Variants in CDKAL1 observed in about 807,000 individuals in gnomAD.
CDKAL1 encodes the protein CDKAL1 threonylcarbamoyladenosine tRNA methylthiotransferase.
A neutral mutation model predicts 68.2 loss-of-function variants in CDKAL1; 32 were observed. That is an observed-to-expected ratio of 0.47 (90% confidence interval 0.35 to 0.63). CDKAL1 has a LOEUF of 0.63. Ranked by LOEUF, CDKAL1 falls within the 30% of genes least tolerant of loss-of-function variation. The probability of loss-of-function intolerance (pLI) is 0.00; values close to 1 mark genes in which losing one functional copy is unlikely to be tolerated. For missense variants in CDKAL1, 606 were observed against 696.7 expected, an observed-to-expected ratio of 0.87 and a Z score of 1.47; for synonymous variants, 234 against 244.3, an observed-to-expected ratio of 0.96 and a Z score of 0.39.
intron 5 of CDKAL1, among the ~76,000 whole-genome samples, chr6:20,692,533 G>A (rs547823627): frequency 6.6e-6 from 1 of 152,164 alleles, no homozygotes; most frequent in African/African-American, 2.4e-5. Context: ...TCACAGAGGG[G>A]GTTAATTATT....
At chr6:21,046,441 G>A (rs1770236035) in intron 11 of CDKAL1, among the ~76,000 whole-genome samples, 1 of 152,230 alleles carries the variant, frequency 6.6e-6, no homozygotes, top group Non-Finnish European at 1.5e-5. Flanking sequence ...TGGAGCCGCT[G>A]TTGTGGCAAG....
At chr6:20,599,426 G>A (rs1457179439) in intron 4 of CDKAL1, 2 of 442,936 alleles carry the variant, frequency 4.5e-6, no homozygotes, top group African/African-American at 4.0e-5. Context: ...TCCTGGAGAA[G>A]ACCTACTCTT....
chr6:20,756,670 A>G (rs962037654), intron 6 of CDKAL1: 2 of 152,170 alleles, frequency 1.3e-5, no homozygotes, highest in Non-Finnish European at 2.9e-5. Flanking sequence ...GTTTCTCAGT[A>G]ATTATTGTTG....
At chr6:20,648,916 T>C (rs1472793534) in intron 4 of CDKAL1, among the ~76,000 whole-genome samples, 4 of 152,194 alleles carry the variant, frequency 2.6e-5, no homozygotes, top group Non-Finnish European at 5.9e-5. Context: ...GAATATTCAG[T>C]GTACACTCTG....
chr6:20,664,258 G>A (rs1246257911), intron 5 of CDKAL1, among the ~76,000 whole-genome samples: 1 of 152,010 alleles, frequency 6.6e-6, no homozygotes, highest in Non-Finnish European at 1.5e-5. Flanking sequence ...GCTCAATGTA[G>A]ATGCATTAAG....
At chr6:21,135,780 CA>C in intron 13 of CDKAL1, 1 of 789,554 alleles carries the variant, frequency 1.3e-6, no homozygotes, top group Middle Eastern at 6.5e-4. Context: ...AGACAGCTTT[CA>C]AGAGGCCAGT....
chr6:21,201,695 A>G (rs1324866294), intron 15 of CDKAL1, among the ~76,000 whole-genome samples: 1 of 152,202 alleles, frequency 6.6e-6, no homozygotes, highest in Non-Finnish European at 1.5e-5. Context: ...ACCATATCAT[A>G]TATGCAGTTA....
intron 10 of CDKAL1, among the ~76,000 whole-genome samples, chr6:20,967,667 T>C (rs1294667826): frequency 6.6e-6 from 1 of 152,228 alleles, no homozygotes; most frequent in Non-Finnish European, 1.5e-5. Context: ...ACCACAATTA[T>C]ACTGTCTTTT....
At chr6:21,028,002 G>A (rs530835768) in intron 11 of CDKAL1, among the ~76,000 whole-genome samples, 1 of 152,236 alleles carries the variant, frequency 6.6e-6, no homozygotes, top group East Asian at 1.9e-4. Context: ...CATAAGGGTG[G>A]ACTAAACACA....
At chr6:21,148,496 G>A (rs1221001071) in intron 13 of CDKAL1, among the ~76,000 whole-genome samples, 1 of 152,178 alleles carries the variant, frequency 6.6e-6, no homozygotes, top group South Asian at 2.1e-4. Context: ...ATGAAATTCA[G>A]AAGGATTTGT....
In CDKAL1 at chr6:20,647,915, ATT is replaced by A. The variant is rs768656966; in HGVS notation, c.287-1367_287-1366del. Among the ~76,000 whole-genome samples the A allele has an allele frequency of 6.1e-3, 871 of 142,654 alleles. 2 individuals carry two copies. The highest frequency in any genetic ancestry group is 0.011 in the Middle Eastern group (3 of 282). 93.6% of individuals were successfully genotyped at this position (142,654 alleles called of 152,430 possible). A position where few individuals can be genotyped will look rare whatever the true frequency, so the allele number is the denominator to read the frequency against. Reference sequence around the variant, plus strand: ...TTTCCATGCCTTTCATTGTTTCAACATTTTTTTTTTTTAGCTGGGCATGGTGG... The same window carrying A: ...TTTCCATGCCTTTCATTGTTTCAACATTTTTTTTTTAGCTGGGCATGGTGG... On this transcript the variant is annotated intron_variant, in intron 4 of 15. Transcript: ENST00000274695.
chr6:20,998,302 T>C (rs1397467167), intron 10 of CDKAL1, among the ~76,000 whole-genome samples: 1 of 152,150 alleles, frequency 6.6e-6, no homozygotes, highest in African/African-American at 2.4e-5. Flanking sequence ...GCTCCAAGTG[T>C]GCAGTATGGC....
chr6:20,991,974 A>T (rs1443997954), intron 10 of CDKAL1, among the ~76,000 whole-genome samples: 1 of 150,258 alleles, frequency 6.7e-6, no homozygotes, highest in African/African-American at 2.4e-5. Context: ...TCTTCATTTT[A>T]AGAGATTCTT....
chr6:20,602,569 C>T (rs1353920553), intron 4 of CDKAL1, among the ~76,000 whole-genome samples: 1 of 152,168 alleles, frequency 6.6e-6, no homozygotes, highest in Non-Finnish European at 1.5e-5. Flanking sequence ...ATCAACCATC[C>T]TGAAAATGGC....
At chr6:20,687,264 A>C (rs1320820805) in intron 5 of CDKAL1, among the ~76,000 whole-genome samples, 1 of 152,198 alleles carries the variant, frequency 6.6e-6, no homozygotes, top group Non-Finnish European at 1.5e-5. Flanking sequence ...ATAATTAAAA[A>C]AAATATGGTA....
At chr6:20,890,593 C>T (rs1232706660) in intron 9 of CDKAL1, among the ~76,000 whole-genome samples, 8 of 152,164 alleles carry the variant, frequency 5.3e-5, no homozygotes, top group Non-Finnish European at 1.0e-4. Flanking sequence ...TGGTGACATT[C>T]CAGGTTTTCT....
intron 8 of CDKAL1, among the ~76,000 whole-genome samples, chr6:20,845,127 G>T (rs1314506619): frequency 6.6e-6 from 1 of 152,120 alleles, no homozygotes; most frequent in Non-Finnish European, 1.5e-5. Context: ...ATTACACATG[G>T]ATCAGATTCA....
chr6:20,891,587 T>C (rs1357294692), intron 9 of CDKAL1, among the ~76,000 whole-genome samples: 1 of 148,164 alleles, frequency 6.7e-6, no homozygotes, highest in Non-Finnish European at 1.5e-5. Flanking sequence ...CAGGCTGGAG[T>C]GTAGTGGCGC....
At chr6:20,569,922 C>A (rs1172155316) in intron 4 of CDKAL1, among the ~76,000 whole-genome samples, 1 of 152,032 alleles carries the variant, frequency 6.6e-6, no homozygotes, top group Non-Finnish European at 1.5e-5. Context: ...GAGAGTGATT[C>A]TTCTGGGCTT....
Sources: gnomAD v4.1 joint callset for allele counts (sites outside exome capture counted in the v4.1 genomes callset) on GRCh38, gnomAD v4.1.1 for gene constraint, MANE v1.5 for transcripts, NCBI Gene and HGNC (gene_info 2026-07-23, HGNC 2026-07-21) for gene names.